HIVEP3: variants seen among roughly 807,000 people sequenced by gnomAD.
HIVEP3 encodes the protein transcription factor HIVEP3.
Under a neutral mutation model 152.8 loss-of-function variants are expected in HIVEP3, and 49 were observed. The observed-to-expected ratio is 0.32, with a 90% CI of 0.26 to 0.41. HIVEP3 has a LOEUF of 0.41. Ranked by LOEUF, HIVEP3 falls within the 10% of genes least tolerant of loss-of-function variation. The pLI is 1.00. For missense variants in HIVEP3, 2,790 were observed against 3,103.3 expected, an observed-to-expected ratio of 0.90 and a Z score of 2.40; for synonymous variants, 1,269 against 1,289.0, an observed-to-expected ratio of 0.98 and a Z score of 0.33.
intron 1 of HIVEP3, among the ~76,000 whole-genome samples, chr1:41,866,521 C>T (rs931110266): frequency 1.3e-4 from 19 of 146,916 alleles, no homozygotes; most frequent in African/African-American, 4.9e-4. Context: ...CCTGGCTGCT[C>T]CCTGTGGGAC....
At chr1:41,963,954 C>T (rs1443850188) in intron 1 of HIVEP3, among the ~76,000 whole-genome samples, 3 of 152,138 alleles carry the variant, frequency 2.0e-5, no homozygotes, top group African/African-American at 7.2e-5. Context: ...TATTAAAATG[C>T]AAGTGAGTGA....
At chr1:41,669,044 C>A (rs1645836464) in intron 2 of HIVEP3, among the ~76,000 whole-genome samples, 1 of 152,104 alleles carries the variant, frequency 6.6e-6, no homozygotes, top group African/African-American at 2.4e-5. Flanking sequence ...GACTCTTAGT[C>A]CAGTCAGCCA....
chr1:41,644,020 C>T (rs994766132), intron 2 of HIVEP3, among the ~76,000 whole-genome samples: 3 of 151,020 alleles, frequency 2.0e-5, no homozygotes. Context: ...CAGAGTAGCT[C>T]GGACTACAGG....
At chr1:41,633,769 A>G (rs1250515388) in intron 2 of HIVEP3, among the ~76,000 whole-genome samples, 1 of 151,824 alleles carries the variant, frequency 6.6e-6, no homozygotes, top group African/African-American at 2.4e-5. Context: ...TGACACACCC[A>G]CCTTAAAGAG....
At chr1:41,904,666 C>T (rs553389439) in intron 1 of HIVEP3, among the ~76,000 whole-genome samples, 3 of 152,278 alleles carry the variant, frequency 2.0e-5, no homozygotes, top group East Asian at 3.9e-4. Context: ...GTACTTTATG[C>T]CCCACTTTGG....
intron 1 of HIVEP3, among the ~76,000 whole-genome samples, chr1:41,825,931 C>T (rs951597260): frequency 3.9e-5 from 6 of 152,050 alleles, no homozygotes; most frequent in African/African-American, 1.4e-4. Flanking sequence ...TTGACCTGAC[C>T]TCCTGGGACC....
chr1:41,641,927 A>G (rs1036145211), intron 2 of HIVEP3, among the ~76,000 whole-genome samples: 1 of 152,196 alleles, frequency 6.6e-6, no homozygotes, highest in Non-Finnish European at 1.5e-5. Context: ...TTGACATGAC[A>G]TCTCCGGGCC....
At chr1:41,604,058 C>T (rs1170301476) in intron 3 of HIVEP3, among the ~76,000 whole-genome samples, 1 of 152,232 alleles carries the variant, frequency 6.6e-6, no homozygotes, top group Non-Finnish European at 1.5e-5. Flanking sequence ...TGTGGTACAA[C>T]TGGAACTCTT....
At chr1:41,728,389 G>A (rs1376715645) in intron 1 of HIVEP3, among the ~76,000 whole-genome samples, 2 of 152,142 alleles carry the variant, frequency 1.3e-5, no homozygotes, top group African/African-American at 2.4e-5. Flanking sequence ...ACATGAGCAG[G>A]CTGTAATGAT....
At chr1:41,960,824 C>G (rs1264829870) in intron 1 of HIVEP3, among the ~76,000 whole-genome samples, 2 of 152,160 alleles carry the variant, frequency 1.3e-5, no homozygotes, top group African/African-American at 4.8e-5. Context: ...CTCTCCTCCC[C>G]CTCCACTGTG....
chr1:41,828,025 C>T (rs1642853292), intron 1 of HIVEP3, among the ~76,000 whole-genome samples: 1 of 152,220 alleles, frequency 6.6e-6, no homozygotes, highest in African/African-American at 2.4e-5. Context: ...CATCAAAGAA[C>T]ACCTTTGAAA....
At chr1:41,545,561 C>T (rs532253889) in intron 5 of HIVEP3, among the ~76,000 whole-genome samples, 3 of 81,016 alleles carry the variant, frequency 3.7e-5, no homozygotes, top group South Asian at 5.3e-4. Context: ...CCATCACTAC[C>T]ATCACCACCA....
chr1:41,577,316 C>T (rs1432784185), intron 4 of HIVEP3, among the ~76,000 whole-genome samples: 1 of 152,200 alleles, frequency 6.6e-6, no homozygotes, highest in Non-Finnish European at 1.5e-5. Context: ...CAGTCCTATG[C>T]GCTAAGTGTT....
intron 1 of HIVEP3, among the ~76,000 whole-genome samples, chr1:41,733,558 T>C (rs1395946502): frequency 6.6e-6 from 1 of 152,222 alleles, no homozygotes; most frequent in Non-Finnish European, 1.5e-5. Flanking sequence ...GAGTTAGAAC[T>C]GGAAGCCAGA....
chr1:41,894,072 C>T (rs1318253476), intron 1 of HIVEP3, among the ~76,000 whole-genome samples: 1 of 151,830 alleles, frequency 6.6e-6, no homozygotes, highest in Non-Finnish European at 1.5e-5. Flanking sequence ...AGACACTCGC[C>T]ACCACACCAA....
intron 1 of HIVEP3, among the ~76,000 whole-genome samples, chr1:41,839,674 C>T (rs1371034256): frequency 1.3e-5 from 2 of 152,214 alleles, no homozygotes; most frequent in East Asian, 3.9e-4. Flanking sequence ...TAACCACTCA[C>T]AGCCCAGATT....
intron 1 of HIVEP3, among the ~76,000 whole-genome samples, chr1:41,756,787 TC>T (rs1647328135): frequency 6.6e-6 from 1 of 152,180 alleles, no homozygotes; most frequent in Non-Finnish European, 1.5e-5. Flanking sequence ...GACTGCAAGC[TC>T]CCTGAGGGCA....
chr1:42,013,890 C>T (rs796542813), intron 1 of HIVEP3, among the ~76,000 whole-genome samples: 2 of 152,154 alleles, frequency 1.3e-5, no homozygotes, highest in Admixed American at 1.3e-4. Context: ...TTTTACATTG[C>T]CCTCCATAAT....
chr1:41,836,441 C>T (rs1643124844), intron 1 of HIVEP3, among the ~76,000 whole-genome samples: 1 of 152,202 alleles, frequency 6.6e-6, no homozygotes. Context: ...AAGGGACATG[C>T]TGCAGTTCTC....
Sources: allele counts gnomAD v4.1 joint callset (sites outside exome capture counted in the v4.1 genomes callset), GRCh38; gene constraint gnomAD v4.1.1; transcripts MANE v1.5; gene names NCBI Gene and HGNC (gene_info 2026-07-23, HGNC 2026-07-21).